Variants in FAM81A observed in about 807,000 individuals in gnomAD.
FAM81A encodes protein FAM81A.
Under a neutral mutation model 46.7 loss-of-function variants are expected in FAM81A, and 19 were observed. That is an observed-to-expected ratio of 0.41 (90% CI 0.28 to 0.60). The LOEUF is 0.60. Ranked by LOEUF, FAM81A falls within the 20% of genes least tolerant of loss-of-function variation. The pLI, the probability that FAM81A is intolerant of heterozygous loss-of-function variation, is 0.34. For missense variants in FAM81A, 377 were observed against 453.5 expected, an observed-to-expected ratio of 0.83 and a Z score of 1.53; for synonymous variants, 183 against 152.9, an observed-to-expected ratio of 1.20 and a Z score of -1.45.
In FAM81A at chr15:59,441,305, C is replaced by A. The variant is rs565704096; in HGVS notation, c.-78+3023C>A. On this transcript the variant is annotated intron_variant, in intron 1 of 8. Transcript: ENST00000288228. ...ACTCTGGTGGGGTCCTCGCTCTGTC[C>A]AGTAGAATTTTCTGCGGTGAGAAAA... Among the ~76,000 whole-genome samples the A allele has an allele frequency of 2.0e-5, 3 of 152,316 alleles. No individual in the cohort carries two copies. In the East Asian group the frequency reaches 5.8e-4, roughly 29 times the overall value.
chr15:59,467,373 T>C (rs536592323), intron 3 of FAM81A, among the ~76,000 whole-genome samples: 9 of 152,322 alleles, frequency 5.9e-5, no homozygotes, highest in Admixed American at 3.9e-4. Context: ...TGTGTCCTCT[T>C]TCATTTTGTT....
chr15:59,426,447 C>G (rs1468944187), intron 2 of FAM81A, among the ~76,000 whole-genome samples: 1 of 152,178 alleles, frequency 6.6e-6, no homozygotes, highest in African/African-American at 2.4e-5. Context: ...CTCTACTTCT[C>G]TACTAAAAAT....
intron 6 of FAM81A, 51 bp from the exon 7 acceptor site, chr15:59,514,238 A>T: frequency 6.7e-7 from 1 of 1,482,048 alleles, no homozygotes; most frequent in Non-Finnish European, 9.0e-7. Flanking sequence ...TAAAATAAAA[A>T]AAATAAAAAA....
At chr15:59,431,343 T>C (rs2081219040) in intron 2 of FAM81A, among the ~76,000 whole-genome samples, 2 of 152,146 alleles carry the variant, frequency 1.3e-5, no homozygotes, top group South Asian at 4.1e-4. Context: ...CAAGCGATTC[T>C]CCTGCCTCAG....
rs1191180564 is a variant in FAM81A at position 59,462,827 on chromosome 15, G to A, written c.294+2621G>A. ...AATGTTTTCAAGGTCCATCCATAAT[G>A]TAGCATGTATCAGAATTCATTTTTA... On this transcript the variant is annotated intron_variant, in intron 3 of 8. Coordinates refer to ENST00000288228, the MANE Select transcript of FAM81A (RefSeq NM_152450.3). Among the ~76,000 whole-genome samples, 5 of 152,090 alleles carry A rather than the reference G, an allele frequency of 3.3e-5. No individual in the cohort carries two copies. The East Asian group carries it at 7.7e-4, about 23-fold the overall frequency.
At chr15:59,411,289 A>G (rs1042485636) in intron 2 of FAM81A, among the ~76,000 whole-genome samples, 1 of 152,060 alleles carries the variant, frequency 6.6e-6, no homozygotes, top group Non-Finnish European at 1.5e-5. Flanking sequence ...GGCTCTTTCT[A>G]TGTACGGTTG....
At chr15:59,494,139 A>G (rs1328409699) in intron 4 of FAM81A, among the ~76,000 whole-genome samples, 1 of 152,178 alleles carries the variant, frequency 6.6e-6, no homozygotes, top group African/African-American at 2.4e-5. Flanking sequence ...TTCATCATCA[A>G]TTTGGATGAA....
chr15:59,485,395 T>C (rs1364725664), intron 3 of FAM81A, among the ~76,000 whole-genome samples: 1 of 152,118 alleles, frequency 6.6e-6, no homozygotes, highest in Non-Finnish European at 1.5e-5. Flanking sequence ...ACTTCCCAGC[T>C]CCAGGTAGCT....
At chr15:59,483,908 GT>G (rs1263648306) in intron 3 of FAM81A, among the ~76,000 whole-genome samples, 1 of 152,208 alleles carries the variant, frequency 6.6e-6, no homozygotes, top group African/African-American at 2.4e-5. Context: ...TGGACAGGTT[GT>G]AGGGGCGGGC....
chr15:59,469,194 G>T (rs2141672090), intron 3 of FAM81A, among the ~76,000 whole-genome samples: 1 of 152,276 alleles, frequency 6.6e-6, no homozygotes, highest in South Asian at 2.1e-4. Flanking sequence ...CTGTTGATTT[G>T]GGGTGGAGAG....
chr15:59,500,106 G>C (rs2082075875), intron 4 of FAM81A, among the ~76,000 whole-genome samples: 1 of 152,028 alleles, frequency 6.6e-6, no homozygotes, highest in Non-Finnish European at 1.5e-5. Flanking sequence ...GCCCGCCTCA[G>C]CTTCCCAAAG....
At chr15:59,452,944 G>A (rs2081436775) in intron 1 of FAM81A, among the ~76,000 whole-genome samples, 1 of 152,042 alleles carries the variant, frequency 6.6e-6, no homozygotes, top group Admixed American at 6.6e-5. Flanking sequence ...TGTATTTTTT[G>A]TAGAGATAGG....
At chr15:59,503,486 A>C (rs1567073305) in intron 4 of FAM81A, among the ~76,000 whole-genome samples, 1 of 152,134 alleles carries the variant, frequency 6.6e-6, no homozygotes, top group Non-Finnish European at 1.5e-5. Flanking sequence ...ACATGTGGAC[A>C]CTTCCAGTAT....
chr15:59,478,737 T>C (rs2081806524), intron 3 of FAM81A, among the ~76,000 whole-genome samples: 1 of 126,398 alleles, frequency 7.9e-6, no homozygotes, highest in African/African-American at 2.9e-5. Flanking sequence ...GGAATTCGAA[T>C]ATTTATTCAG....
intron 1 of FAM81A, among the ~76,000 whole-genome samples, chr15:59,449,941 A>G (rs1485938634): frequency 6.8e-6 from 1 of 147,388 alleles, no homozygotes; most frequent in East Asian, 2.0e-4. Context: ...TTTTTTTGTG[A>G]GACAAAATCT....
chr15:59,513,785 A>G (rs1392016133), intron 6 of FAM81A, among the ~76,000 whole-genome samples: 1 of 152,248 alleles, frequency 6.6e-6, no homozygotes, highest in Non-Finnish European at 1.5e-5. Flanking sequence ...ACGTATGTTC[A>G]CTGCAGCAGT....
chr15:59,406,475 C>T (rs1221115369), intron 2 of FAM81A, among the ~76,000 whole-genome samples: 1 of 152,194 alleles, frequency 6.6e-6, no homozygotes, highest in African/African-American at 2.4e-5. Context: ...GTTACCTACA[C>T]TAACTTTAAA....
intron 7 of FAM81A, among the ~76,000 whole-genome samples, 194 bp from the exon 8 acceptor site, chr15:59,516,451 G>A (rs1245127805): frequency 1.3e-5 from 2 of 152,128 alleles, no homozygotes; most frequent in Non-Finnish European, 2.9e-5. Flanking sequence ...TCTTTGTTTT[G>A]AATGACCTTG....
chr15:59,421,275 C>T (rs1198956196), intron 2 of FAM81A, among the ~76,000 whole-genome samples: 6 of 152,174 alleles, frequency 3.9e-5, no homozygotes, highest in Non-Finnish European at 7.3e-5. Flanking sequence ...AGGCAGATCC[C>T]TGACAGCTTG....
Sources: gnomAD v4.1 joint callset for allele counts (sites outside exome capture counted in the v4.1 genomes callset) on GRCh38, gnomAD v4.1.1 for gene constraint, MANE v1.5 for transcripts, NCBI Gene and HGNC (gene_info 2026-07-23, HGNC 2026-07-21) for gene names.